BLNK: variants seen among roughly 807,000 people sequenced by gnomAD.
BLNK encodes B-cell linker protein.
Under a neutral mutation model 73.5 loss-of-function variants are expected in BLNK, and 29 were observed. The observed-to-expected ratio is 0.39, with a 90% CI of 0.29 to 0.54. The LOEUF (loss-of-function observed/expected upper bound fraction) is 0.54, where lower values mean the gene tolerates loss of function less well. BLNK is among the 20% of genes least tolerant of loss of function. The pLI, the probability that BLNK is intolerant of heterozygous loss-of-function variation, is 0.61. For synonymous variants in BLNK, 176 were observed against 200.8 expected (o/e 0.88, Z 1.04); for missense variants, 460 against 562.8 (o/e 0.82, Z 1.85).
intron 6 of BLNK, 43 bp downstream of exon 6, chr10:96,223,775 GCCCCACCC>G: frequency 6.2e-7 from 1 of 1,606,184 alleles, no homozygotes; most frequent in East Asian, 2.2e-5. Context: ...CTGGTCGCTT[GCCCCACCC>G]CCCTCTGTGT....
intron 2 of BLNK, among the ~76,000 whole-genome samples, chr10:96,243,559 A>G (rs1177723294): frequency 3.9e-5 from 6 of 152,140 alleles, no homozygotes; most frequent in Admixed American, 2.6e-4. Context: ...AAAAGGAAAA[A>G]AAGCCGAACA....
intron 3 of BLNK, among the ~76,000 whole-genome samples, chr10:96,240,064 C>T (rs1842834908): frequency 6.6e-6 from 1 of 152,206 alleles, no homozygotes; most frequent in South Asian, 2.1e-4. Flanking sequence ...ACCACCTAAG[C>T]TCTTCTCCTA....
chr10:96,255,294 T>G (rs540642954), intron 1 of BLNK, among the ~76,000 whole-genome samples: 1 of 152,200 alleles, frequency 6.6e-6, no homozygotes, highest in East Asian at 1.9e-4. Context: ...TCACCAGAGG[T>G]GTCCAAGAAA....
rs112066637 is a variant in BLNK at position 96,208,846 on chromosome 10, C to T, written c.747-947G>A. 4.6e-3 allele frequency among the ~76,000 whole-genome samples: 694 copies of T among 152,166 alleles called. 2 individuals carry two copies. Among genetic ancestry groups the T allele is most frequent in the Non-Finnish European group, 5.9e-3 (401 of 67,992 alleles). On this transcript the variant is annotated intron_variant, in intron 9 of 16. Transcript: ENST00000224337. ...GTGAGGAAACTGAGGCTCAGAGAGA[C>T]GAAGTAGTTTGCCCAAAGTGATACA...
intron 7 of BLNK, chr10:96,216,341 T>C (rs1554899841): frequency 2.5e-6 from 1 of 392,448 alleles, no homozygotes; most frequent in Admixed American, 3.7e-5. Context: ...TGTGACATTG[T>C]ATTAGGTTTT....
chr10:96,197,116 T>C, intron 15 of BLNK, 53 bp from the exon 16 acceptor site: 1 of 1,450,284 alleles, frequency 6.9e-7, no homozygotes, highest in Non-Finnish European at 9.4e-7. Flanking sequence ...CTTATATTTC[T>C]ACAGGTTCAA....
At chr10:96,249,993 G>A (rs1591357590) in intron 1 of BLNK, among the ~76,000 whole-genome samples, 1 of 152,292 alleles carries the variant, frequency 6.6e-6, no homozygotes. Flanking sequence ...AATTATCTAC[G>A]TAAGTGAGGT....
chr10:96,238,325 A>G (rs1842769194), intron 3 of BLNK, among the ~76,000 whole-genome samples: 2 of 152,172 alleles, frequency 1.3e-5, no homozygotes, highest in Admixed American at 1.3e-4. Context: ...ACCAAGGTCA[A>G]CACACTCTTG....
At chr10:96,229,416 G>T (rs1842408329) in intron 4 of BLNK, among the ~76,000 whole-genome samples, 1 of 152,138 alleles carries the variant, frequency 6.6e-6, no homozygotes, top group Non-Finnish European at 1.5e-5. Flanking sequence ...GCGTGCAGTG[G>T]GGATCCATCT....
At chr10:96,232,762 T>C (rs1316947772) in intron 3 of BLNK, among the ~76,000 whole-genome samples, 1 of 152,110 alleles carries the variant, frequency 6.6e-6, no homozygotes, top group Non-Finnish European at 1.5e-5. Context: ...TAAATCCTCT[T>C]CCCAATATGA....
intron 1 of BLNK, among the ~76,000 whole-genome samples, chr10:96,251,657 G>T (rs1554909158): frequency 6.6e-6 from 1 of 152,198 alleles, no homozygotes; most frequent in Non-Finnish European, 1.5e-5. Context: ...TATAAGTATT[G>T]TAATTTTAAG....
intron 16 of BLNK, among the ~76,000 whole-genome samples, chr10:96,192,590 C>T (rs1295082989): frequency 6.6e-6 from 1 of 152,104 alleles, no homozygotes; most frequent in Non-Finnish European, 1.5e-5. Context: ...TATAAACCTT[C>T]ATATTTCCAT....
chr10:96,191,241 T>C lies in BLNK; in HGVS notation c.*732A>G, dbSNP rs2133905898. On this transcript the variant is annotated 3_prime_UTR_variant, in exon 17 of 17. Transcript: ENST00000224337. The stretch of plus-strand genomic sequence containing the variant: ...CTGTGAGTCCATTAAACCTCTTTTT[T>C]TTTTTTTTTTTTTATGTAAATCACC... Among the ~76,000 whole-genome samples, 1 of 151,340 alleles carries C rather than the reference T, an allele frequency of 6.6e-6. No individual in the cohort carries two copies. Among genetic ancestry groups the C allele is most frequent in the Non-Finnish European group, 1.5e-5 (1 of 67,700 alleles).
intron 3 of BLNK, among the ~76,000 whole-genome samples, chr10:96,233,518 C>T (rs1282592225): frequency 1.3e-5 from 2 of 152,196 alleles, no homozygotes. Flanking sequence ...CGACTTCTTG[C>T]GGCAGGCTCC....
intron 1 of BLNK, among the ~76,000 whole-genome samples, chr10:96,253,706 T>C (rs1355772737): frequency 2.6e-5 from 4 of 152,110 alleles, no homozygotes; most frequent in African/African-American, 9.7e-5. Flanking sequence ...CACAGAAGGT[T>C]GACAGCCATT....
Position 96,223,823 on chromosome 10 carries a change from T to C in BLNK, c.525+3A>G. ...GGAAGCCTTTGGCACAGATTTACTT[T>C]ACCTCATCCTCAAGGAGGCCTTTGG... On this transcript the variant is annotated splice_donor_region_variant and intron_variant, in intron 6 of 16. Transcript: ENST00000224337. The C allele has an allele frequency of 1.2e-6, 2 of 1,613,652 alleles. No individual in the cohort carries two copies. Among genetic ancestry groups the C allele is most frequent in the East Asian group, 2.2e-5 (1 of 44,872 alleles).
intron 1 of BLNK, among the ~76,000 whole-genome samples, chr10:96,256,516 A>G (rs1165113492): frequency 6.6e-6 from 1 of 152,076 alleles, no homozygotes; most frequent in Non-Finnish European, 1.5e-5. Flanking sequence ...TGCTACTAAT[A>G]TAGTATATTT....
intron 1 of BLNK, among the ~76,000 whole-genome samples, chr10:96,263,027 G>A (rs1843827460): frequency 6.6e-6 from 1 of 152,174 alleles, no homozygotes; most frequent in Admixed American, 6.5e-5. Flanking sequence ...GTCCTCGCAA[G>A]GCGAATCTCT....
chr10:96,271,415 A>G lies in BLNK; in HGVS notation c.-17T>C. Reference sequence around the variant, plus strand: ...CTTGTCCATTCTGTTTGGTAATTGTAAGAGACACGAATAACTGTCCAGTGG... The same window carrying G: ...CTTGTCCATTCTGTTTGGTAATTGTGAGAGACACGAATAACTGTCCAGTGG... On this transcript the variant is annotated 5_prime_UTR_variant, in exon 1 of 17. Coordinates refer to ENST00000224337, the MANE Select transcript of BLNK (RefSeq NM_013314.4). 1 of 1,613,920 alleles carries G rather than the reference A, an allele frequency of 6.2e-7. No individual in the cohort carries two copies. The highest frequency in any genetic ancestry group is 1.1e-5 in the South Asian group (1 of 91,086).
Sources: gnomAD v4.1 joint callset for allele counts (sites outside exome capture counted in the v4.1 genomes callset) on GRCh38, gnomAD v4.1.1 for gene constraint, MANE v1.5 for transcripts, NCBI Gene and HGNC (gene_info 2026-07-23, HGNC 2026-07-21) for gene names.